The following INSL6 variants were observed in gnomAD, a reference collection of about 807,000 sequenced individuals.
The protein encoded by INSL6 is insulin-like peptide INSL6.
Under a neutral mutation model 9.4 loss-of-function variants are expected in INSL6, and 16 were observed. That is an observed-to-expected ratio of 1.70 (90% CI 1.15 to 2.59). The LOEUF is 2.59. Among genes scored for constraint, INSL6 ranks in the 30% most tolerant of loss-of-function variants. The probability of loss-of-function intolerance (pLI) is 0.00; values close to 1 mark genes in which losing one functional copy is unlikely to be tolerated. For missense variants in INSL6, 391 were observed against 257.3 expected, an observed-to-expected ratio of 1.52 and a Z score of -3.56; for synonymous variants, 154 against 96.9, an observed-to-expected ratio of 1.59 and a Z score of -3.46.
chr9:5,062,149 A>G, the INSL6 span, among the ~76,000 whole-genome samples: 2 of 152,070 alleles, frequency 1.3e-5, no homozygotes, highest in East Asian at 3.9e-4. Flanking sequence ...TCAGCCAAAC[A>G]TGGATGGAAA....
the INSL6 span, among the ~76,000 whole-genome samples, chr9:5,011,549 A>AT: frequency 6.6e-6 from 1 of 152,128 alleles, no homozygotes; most frequent in Non-Finnish European, 1.5e-5. Flanking sequence ...CATTATATTA[A>AT]TTTTTTACTG....
the INSL6 span, chr9:5,081,773 G>T: frequency 1.2e-6 from 2 of 1,604,198 alleles, no homozygotes; most frequent in African/African-American, 2.7e-5. Flanking sequence ...ATGAGGATAG[G>T]TGCCCTGGGG....
downstream of INSL6, among the ~76,000 whole-genome samples, chr9:5,161,506 C>A (rs1824925705): frequency 6.6e-6 from 1 of 152,130 alleles, no homozygotes; most frequent in South Asian, 2.1e-4. Flanking sequence ...AACTGAAAAA[C>A]TTTCCTTTAA....
the INSL6 span, chr9:5,077,390 A>T: frequency 1.7e-6 from 1 of 574,726 alleles, no homozygotes; most frequent in Non-Finnish European, 2.6e-6. Context: ...AAAGATTTAA[A>T]TTACATATAT....
chr9:5,073,666 C>A, the INSL6 span: 5 of 1,514,360 alleles, frequency 3.3e-6, no homozygotes, highest in South Asian at 4.6e-5. Flanking sequence ...AACAGTCAAA[C>A]AACAATTCTT....
At chr9:5,154,049 A>C (rs1824767443) in intron 2 of INSL6, among the ~76,000 whole-genome samples, 2 of 152,252 alleles carry the variant, frequency 1.3e-5, no homozygotes, top group Admixed American at 6.5e-5. Flanking sequence ...AGCTGGAGGC[A>C]TCACACTACC....
the INSL6 span, among the ~76,000 whole-genome samples, chr9:5,093,034 A>G: frequency 2.0e-5 from 3 of 152,156 alleles, no homozygotes; most frequent in Admixed American, 1.3e-4. Flanking sequence ...TAATCACTCT[A>G]CGGAACTCCT....
the INSL6 span, among the ~76,000 whole-genome samples, chr9:5,089,074 C>G: frequency 1.3e-5 from 2 of 152,154 alleles, no homozygotes; most frequent in South Asian, 4.1e-4. Context: ...TCAGCATGTC[C>G]CTTGGCTTAT....
chr9:5,059,932 T>C, the INSL6 span, among the ~76,000 whole-genome samples: 1 of 152,216 alleles, frequency 6.6e-6, no homozygotes, highest in South Asian at 2.1e-4. Context: ...CTATAGATTC[T>C]AAGTCTTTTG....
the INSL6 span, among the ~76,000 whole-genome samples, chr9:5,019,665 C>T: frequency 6.6e-6 from 1 of 152,154 alleles, no homozygotes; most frequent in African/African-American, 2.4e-5. Context: ...ATCATCACTT[C>T]CATTTTTTTG....
At chr9:5,003,364 C>G in the INSL6 span, among the ~76,000 whole-genome samples, 1 of 151,582 alleles carries the variant, frequency 6.6e-6, no homozygotes, top group Non-Finnish European at 1.5e-5. Flanking sequence ...ATGGTCTATC[C>G]CTCTCTTATT....
At chr9:5,003,350 C>A in the INSL6 span, among the ~76,000 whole-genome samples, 1 of 151,986 alleles carries the variant, frequency 6.6e-6, no homozygotes, top group African/African-American at 2.4e-5. Context: ...ATTCTTATAT[C>A]AGCATGGTCT....
the INSL6 span, among the ~76,000 whole-genome samples, chr9:5,101,544 G>A: frequency 1.3e-5 from 2 of 152,244 alleles, no homozygotes. Flanking sequence ...CCAGCATGGT[G>A]TTTGAGCTCT....
chr9:5,178,771 T>C (rs1437404187), intron 1 of INSL6, among the ~76,000 whole-genome samples: 2 of 152,128 alleles, frequency 1.3e-5, no homozygotes, highest in Admixed American at 6.5e-5. Context: ...GGAAGAATTC[T>C]CTATTTATTA....
At chr9:5,103,105 G>C in the INSL6 span, among the ~76,000 whole-genome samples, 1 of 151,252 alleles carries the variant, frequency 6.6e-6, no homozygotes, top group African/African-American at 2.4e-5. Flanking sequence ...CTGGCAAATT[G>C]GATAAAGATT....
chr9:5,114,358 G>T, the INSL6 span: 1 of 534,044 alleles, frequency 1.9e-6, no homozygotes, highest in South Asian at 1.7e-5. Context: ...GAGAAGCAGT[G>T]CAATGGCACG....
chr9:5,085,101 G>C, the INSL6 span: 1 of 656,256 alleles, frequency 1.5e-6, no homozygotes, highest in South Asian at 1.4e-5. Flanking sequence ...AGTACTGCTG[G>C]GCAAGGTAGG....
chr9:5,058,440 A>G, the INSL6 span, among the ~76,000 whole-genome samples: 1 of 152,134 alleles, frequency 6.6e-6, no homozygotes, highest in African/African-American at 2.4e-5. Context: ...CCTCACTATC[A>G]TGAGAACAGC....
the INSL6 span, chr9:5,108,166 A>G: frequency 1.3e-5 from 2 of 152,124 alleles, no homozygotes; most frequent in African/African-American, 4.8e-5. Flanking sequence ...AGCCAATATT[A>G]ACTGTTCAAT....
Sources: allele counts gnomAD v4.1 joint callset (sites outside exome capture counted in the v4.1 genomes callset), GRCh38; gene constraint gnomAD v4.1.1; transcripts MANE v1.5; gene names NCBI Gene and HGNC (gene_info 2026-07-23, HGNC 2026-07-21).